ATAD5: variants seen among roughly 807,000 people sequenced by gnomAD.
The protein encoded by ATAD5 is ATPase family AAA domain containing 5.
A neutral mutation model predicts 176.9 loss-of-function variants in ATAD5; 58 were observed. The ratio of observed to expected loss-of-function variants is 0.33; its 90% CI spans 0.27 to 0.41. The LOEUF is 0.41. ATAD5 is among the 10% of genes least tolerant of loss of function. ATAD5 has a pLI of 1.00. For synonymous variants in ATAD5, 640 were observed against 712.6 expected, an observed-to-expected ratio of 0.90 and a Z score of 1.62; for missense variants, 1,789 against 2,094.1, an observed-to-expected ratio of 0.85 and a Z score of 2.84.
rs1452227536 is a variant in ATAD5, at chr17:30,840,730, C to G, written c.2190C>G (p.Arg730=). Residue 730 remains arginine (R), a synonymous_variant, in exon 4 of 23, where the codon CGC becomes CGG. Transcript: ENST00000321990. ...VTEEIAIPLR[R]SSRHQTLPER... ...AAGAAATAGCGATACCCTTAAGGCG[C>G]TCCTCTAGACATCAGACACTTCCTG... The G allele has an allele frequency of 5.0e-6, 8 of 1,608,852 alleles. No homozygotes were observed. Among genetic ancestry groups the G allele is most frequent in the Non-Finnish European group, 6.8e-6 (8 of 1,178,196 alleles).
intron 1 of ATAD5, among the ~76,000 whole-genome samples, chr17:30,833,774 A>G (rs909000085): frequency 1.3e-5 from 2 of 152,114 alleles, no homozygotes; most frequent in Admixed American, 1.3e-4. Flanking sequence ...TCCGCCTCCC[A>G]GGTTCAAGTG....
At chr17:30,866,185 ATTTTTTTT>A (rs542432593) in intron 11 of ATAD5, among the ~76,000 whole-genome samples, 52 of 79,238 alleles carry the variant, frequency 6.6e-4, no homozygotes, top group African/African-American at 2.5e-3. Context: ...GAATTTACAA[ATTTTTTTT>A]TTTTTTTTTT....
At chr17:30,851,528 C>T (rs1009269298) in intron 6 of ATAD5, among the ~76,000 whole-genome samples, 2 of 151,462 alleles carry the variant, frequency 1.3e-5, no homozygotes, top group African/African-American at 4.9e-5. Flanking sequence ...AAGGGTAGGC[C>T]AGGCATAGTG....
chr17:30,889,618 T>A (rs1295114366), intron 19 of ATAD5, among the ~76,000 whole-genome samples: 4 of 151,932 alleles, frequency 2.6e-5, no homozygotes, highest in Non-Finnish European at 5.9e-5. Context: ...TTTTCAGTCA[T>A]CATTGTTACC....
At chr17:30,889,076 A>G (rs9914638) in intron 19 of ATAD5, among the ~76,000 whole-genome samples, 1 of 150,046 alleles carries the variant, frequency 6.7e-6, no homozygotes, top group Non-Finnish European at 1.5e-5. Flanking sequence ...AAAAAAAAAA[A>G]TTAAAAAACA....
rs113015873 is a variant in ATAD5, at chr17:30,855,638, A to T, written c.2635+311A>T. 6.4e-3 allele frequency among the ~76,000 whole-genome samples: 977 copies of T among 152,162 alleles called. 10 individuals are homozygous for T. Among genetic ancestry groups the T allele is most frequent in the African/African-American group, 0.022 (914 of 41,524 alleles). ...AAGAGCTTGAGCCCAGGAGTTCGAG[A>T]CCAGCCTGGGCAACACAGCAAGATC... On this transcript the variant is annotated intron_variant, in intron 7 of 22. Transcript: ENST00000321990.
Position 30,865,682 on chromosome 17 carries a change from ATTTT to A in ATAD5, c.3137-11_3137-8del. 12 of 1,163,398 alleles carry A rather than the reference ATTTT, an allele frequency of 1.0e-5. No homozygotes were observed. The highest frequency in any genetic ancestry group is 3.2e-5 in the South Asian group (2 of 62,370). The allele number at this position is 1,163,398 out of a possible 1,614,324, so 72.1% of individuals were successfully genotyped here. On this transcript the variant is annotated intron_variant, in intron 10 of 22. Transcript: ENST00000321990. ...TTTATGTCAAGGAATGAATACCTTAATTTTTTTTTTTTTTGCTTTAGATTCTGGA... is the reference window on the plus strand; with the variant it reads ...TTTATGTCAAGGAATGAATACCTTAATTTTTTTTTTGCTTTAGATTCTGGA...
rs1905421841 is a variant in ATAD5 at position 30,832,241 on chromosome 17, A to G, written c.-107A>G. Reference sequence around the variant, plus strand: ...GGGGAATCCGAAACGGCTCAGCAGAATCCCAGCAGCTTGCTGCTACTGGAG... The same window carrying G: ...GGGGAATCCGAAACGGCTCAGCAGAGTCCCAGCAGCTTGCTGCTACTGGAG... On this transcript the variant is annotated 5_prime_UTR_variant, in exon 1 of 23. Transcript: ENST00000321990. 1 of 1,039,044 alleles carries G rather than the reference A, an allele frequency of 9.6e-7. No individual in the cohort carries two copies. The allele number at this position is 1,039,044 out of a possible 1,614,324, so 64.4% of individuals were successfully genotyped here.
chr17:30,854,610 G>T (rs1907184426), intron 6 of ATAD5, among the ~76,000 whole-genome samples: 1 of 151,686 alleles, frequency 6.6e-6, no homozygotes, highest in South Asian at 2.1e-4. Flanking sequence ...GACCTCAGGT[G>T]ATCCACCCTC....
Position 30,844,152 on chromosome 17 carries a change from G to A in ATAD5, c.2368+113G>A, listed in dbSNP as rs543472279. 317 of 989,460 alleles carry A rather than the reference G, an allele frequency of 3.2e-4. 2 individuals carry two copies. The Middle Eastern group carries it at 3.4e-3, about 11-fold the overall frequency. 61.3% of individuals were successfully genotyped at this position (989,460 alleles called of 1,614,324 possible). Reference sequence around the variant, plus strand: ...TTATTTATTTATTTATTTTTGAGACGGAGTCTCGCTTTGTCACTCAGGCTG... The same window carrying A: ...TTATTTATTTATTTATTTTTGAGACAGAGTCTCGCTTTGTCACTCAGGCTG... On this transcript the variant is annotated intron_variant, in intron 5 of 22. Coordinates refer to ENST00000321990, the MANE Select transcript of ATAD5 (RefSeq NM_024857.5).
chr17:30,878,736 T>G (rs765585608), intron 17 of ATAD5, among the ~76,000 whole-genome samples: 58 of 123,566 alleles, frequency 4.7e-4, no homozygotes, highest in Non-Finnish European at 8.0e-4. Flanking sequence ...TTTTTTTTTT[T>G]TTTTTTTTTT....
intron 6 of ATAD5, among the ~76,000 whole-genome samples, chr17:30,849,769 C>A (rs1252073621): frequency 6.6e-6 from 1 of 152,036 alleles, no homozygotes; most frequent in African/African-American, 2.4e-5. Flanking sequence ...TTGATGACGT[C>A]CAGTTTATGG....
At chr17:30,891,888 G>GTTGCCCAGGATGGTCTCGAAC (rs962501794) in intron 19 of ATAD5, among the ~76,000 whole-genome samples, 3 of 150,116 alleles carry the variant, frequency 2.0e-5, no homozygotes, top group Non-Finnish European at 3.0e-5. Context: ...GTTTCACCAT[G>GTTGCCCAGGATGGTCTCGAAC]TTGCCCAGGA....
At chr17:30,846,863 G>A (rs1018298029) in intron 6 of ATAD5, among the ~76,000 whole-genome samples, 1 of 151,536 alleles carries the variant, frequency 6.6e-6, no homozygotes, top group African/African-American at 2.4e-5. Flanking sequence ...TGGGATTACA[G>A]GCATGTGCCA....
At chr17:30,836,568 A>T (rs572231237) in intron 2 of ATAD5, among the ~76,000 whole-genome samples, 125 of 151,438 alleles carry the variant, frequency 8.3e-4, no homozygotes, top group African/African-American at 2.0e-3. Flanking sequence ...AATTTAATTT[A>T]ATTTTATTTT....
At chr17:30,885,197 A>G (rs1567698963) in intron 18 of ATAD5, among the ~76,000 whole-genome samples, 1 of 151,708 alleles carries the variant, frequency 6.6e-6, no homozygotes, top group African/African-American at 2.4e-5. Flanking sequence ...TTAAATTTTT[A>G]TTAGAAACAG....
intron 6 of ATAD5, among the ~76,000 whole-genome samples, chr17:30,848,965 G>C (rs1369927025): frequency 6.6e-6 from 1 of 152,128 alleles, no homozygotes; most frequent in Admixed American, 6.5e-5. Flanking sequence ...CCGCCTTCCG[G>C]GTTCAAGTGA....
At chr17:30,854,533 G>A (rs887995083) in intron 6 of ATAD5, among the ~76,000 whole-genome samples, 5 of 150,414 alleles carry the variant, frequency 3.3e-5, no homozygotes, top group East Asian at 1.9e-4. Flanking sequence ...CACCATGCCC[G>A]GCTAATTTTT....
intron 6 of ATAD5, among the ~76,000 whole-genome samples, chr17:30,850,833 TTATATATATATATATATATATA>T (rs1312470807): frequency 8.3e-4 from 23 of 27,840 alleles, no homozygotes; most frequent in East Asian, 2.0e-3. Flanking sequence ...TTATATATTT[TTATATATATATATATATATATA>T]TATATATATA....
Sources: gnomAD v4.1 joint callset for allele counts (sites outside exome capture counted in the v4.1 genomes callset) on GRCh38, gnomAD v4.1.1 for gene constraint, MANE v1.5 for transcripts, NCBI Gene and HGNC (gene_info 2026-07-23, HGNC 2026-07-21) for gene names.